The following CAMTA1 variants were observed in gnomAD, a reference collection of about 807,000 sequenced individuals.
The protein encoded by CAMTA1 is calmodulin-binding transcription activator 1.
In CAMTA1, 27 loss-of-function variants were observed where a neutral mutation model predicts 170.9. The observed-to-expected ratio is 0.16, with a 90% CI of 0.12 to 0.22. The LOEUF is 0.22. Ranked by LOEUF, CAMTA1 falls within the 10% of genes least tolerant of loss-of-function variation. The pLI is 1.00. For synonymous variants in CAMTA1, 833 were observed against 891.5 expected (o/e 0.93, Z 1.17); for missense variants, 1,619 against 2,217.2 (o/e 0.73, Z 5.42).
intron 1 of CAMTA1, among the ~76,000 whole-genome samples, chr1:6,801,958 A>G (rs1398424033): frequency 6.6e-6 from 1 of 152,216 alleles, no homozygotes; most frequent in African/African-American, 2.4e-5. Context: ...GGTTCTTAAT[A>G]AACACTAGGA....
intron 5 of CAMTA1, among the ~76,000 whole-genome samples, chr1:7,269,300 G>C (rs1298421255): frequency 6.6e-6 from 1 of 152,220 alleles, no homozygotes; most frequent in African/African-American, 2.4e-5. Flanking sequence ...TGACTGTTGG[G>C]CACAGGCCAC....
chr1:7,749,316 G>T (rs1271387268), intron 19 of CAMTA1, among the ~76,000 whole-genome samples: 1 of 152,118 alleles, frequency 6.6e-6, no homozygotes, highest in African/African-American at 2.4e-5. Context: ...TAATGGGGGT[G>T]GGGGGACGTC....
chr1:7,338,238 T>C (rs1255509757), intron 5 of CAMTA1, among the ~76,000 whole-genome samples: 1 of 152,012 alleles, frequency 6.6e-6, no homozygotes. Context: ...GAAAGAAGGA[T>C]GCAGAAGAAG....
At chr1:7,449,672 G>A (rs952208219) in intron 5 of CAMTA1, among the ~76,000 whole-genome samples, 4 of 151,368 alleles carry the variant, frequency 2.6e-5, no homozygotes, top group African/African-American at 2.4e-5. Context: ...TGGGAGGCTG[G>A]GGCAGGAGAA....
intron 3 of CAMTA1, among the ~76,000 whole-genome samples, chr1:6,957,462 A>T (rs1172578289): frequency 1.3e-5 from 2 of 152,040 alleles, no homozygotes; most frequent in African/African-American, 2.4e-5. Context: ...GCTGTGTTCT[A>T]TTCTGGACTC....
At chr1:7,728,326 T>A (rs1231983530) in intron 11 of CAMTA1, among the ~76,000 whole-genome samples, 1 of 152,264 alleles carries the variant, frequency 6.6e-6, no homozygotes, top group African/African-American at 2.4e-5. Flanking sequence ...GGGACCGCAC[T>A]GCAGCACACT....
chr1:7,278,394 T>C (rs1355693259), intron 5 of CAMTA1, among the ~76,000 whole-genome samples: 1 of 152,240 alleles, frequency 6.6e-6, no homozygotes, highest in African/African-American at 2.4e-5. Flanking sequence ...TAGTGTCTTC[T>C]CAGAGTTCTG....
chr1:6,903,680 T>G (rs927762096), intron 3 of CAMTA1, among the ~76,000 whole-genome samples: 2 of 152,212 alleles, frequency 1.3e-5, no homozygotes, highest in Non-Finnish European at 2.9e-5. Context: ...CTGTCTTTAT[T>G]TACCAGTTCA....
intron 6 of CAMTA1, among the ~76,000 whole-genome samples, chr1:7,630,913 C>T (rs180815264): frequency 9.1e-4 from 138 of 152,342 alleles, no homozygotes; most frequent in African/African-American, 3.2e-3. Context: ...GACTACTGAC[C>T]CTGCCTATTA....
intron 3 of CAMTA1, among the ~76,000 whole-genome samples, chr1:6,943,036 G>A (rs1196304646): frequency 2.0e-5 from 3 of 152,116 alleles, no homozygotes; most frequent in Non-Finnish European, 2.9e-5. Context: ...CCTGGGCAAC[G>A]TGCTGACCAC....
intron 5 of CAMTA1, among the ~76,000 whole-genome samples, chr1:7,414,005 T>A (rs531069447): frequency 6.6e-6 from 1 of 152,226 alleles, no homozygotes; most frequent in Non-Finnish European, 1.5e-5. Context: ...TCTGCATCTA[T>A]TGAGATAATC....
intron 5 of CAMTA1, among the ~76,000 whole-genome samples, chr1:7,371,901 A>G (rs1011396558): frequency 6.6e-6 from 1 of 152,178 alleles, no homozygotes; most frequent in African/African-American, 2.4e-5. Flanking sequence ...GCATCTGATG[A>G]CATCTGAGAT....
At chr1:7,281,798 A>ATT (rs1671540967) in intron 5 of CAMTA1, among the ~76,000 whole-genome samples, 2 of 116,226 alleles carry the variant, frequency 1.7e-5, no homozygotes, top group Non-Finnish European at 3.6e-5. Flanking sequence ...GGGGAAAGAA[A>ATT]TTGTGTGTGT....
At chr1:7,626,070 C>T (rs1030918019) in intron 6 of CAMTA1, among the ~76,000 whole-genome samples, 3 of 152,192 alleles carry the variant, frequency 2.0e-5, no homozygotes, top group African/African-American at 4.8e-5. Flanking sequence ...CTGTTGAGAG[C>T]CACAATTACT....
At chr1:7,466,669 G>C (rs951247526) in intron 5 of CAMTA1, among the ~76,000 whole-genome samples, 7 of 152,190 alleles carry the variant, frequency 4.6e-5, no homozygotes, top group African/African-American at 1.4e-4. Context: ...CAGATGTCCT[G>C]TGTGGCTCTG....
chr1:7,501,340 C>T (rs564295339), intron 6 of CAMTA1, among the ~76,000 whole-genome samples: 2 of 152,204 alleles, frequency 1.3e-5, no homozygotes, highest in African/African-American at 2.4e-5. Context: ...GGCCTGAGAA[C>T]GGCCTTTGTT....
intron 11 of CAMTA1, among the ~76,000 whole-genome samples, chr1:7,689,090 CCTCT>C (rs2096282989): frequency 2.0e-5 from 3 of 150,982 alleles, no homozygotes; most frequent in Admixed American, 2.0e-4. Flanking sequence ...GGTGAAACCC[CCTCT>C]CTACCAAAAA....
intron 3 of CAMTA1, among the ~76,000 whole-genome samples, chr1:6,835,055 CAG>C (rs1447830366): frequency 6.6e-6 from 1 of 152,180 alleles, no homozygotes; most frequent in East Asian, 1.9e-4. Context: ...TCAGCATGCT[CAG>C]GGGTTGGCAG....
chr1:6,983,103 T>C (rs912283666), intron 3 of CAMTA1, among the ~76,000 whole-genome samples: 12 of 152,182 alleles, frequency 7.9e-5, no homozygotes, highest in African/African-American at 2.7e-4. Flanking sequence ...ACATTCCAGA[T>C]TGTGGCTCCT....
Sources: gnomAD v4.1 joint callset for allele counts (sites outside exome capture counted in the v4.1 genomes callset) on GRCh38, gnomAD v4.1.1 for gene constraint, MANE v1.5 for transcripts, NCBI Gene and HGNC (gene_info 2026-07-23, HGNC 2026-07-21) for gene names.